WDFY4: variants seen among roughly 807,000 people sequenced by gnomAD.
The protein encoded by WDFY4 is WD repeat- and FYVE domain-containing protein 4.
A neutral mutation model predicts 351.9 loss-of-function variants in WDFY4; 169 were observed. The observed-to-expected ratio is 0.48, with a 90% CI of 0.42 to 0.55. The LOEUF (loss-of-function observed/expected upper bound fraction) is 0.55, where lower values mean the gene tolerates loss of function less well. WDFY4 is among the 20% of genes least tolerant of loss of function. The pLI is 0.00. For synonymous variants in WDFY4, 1,622 were observed against 1,574.6 expected (o/e 1.03, Z -0.71); for missense variants, 3,803 against 3,935.6 (o/e 0.97, Z 0.90).
rs1369364222 is a variant in WDFY4 at position 48,873,531 on chromosome 10, C to T, written c.6782C>T (p.Ala2261Val). ...AACATCAAGGCAGCCAACGCCTGGG[C>T]CAGGATCCAGGAGCAGCTTTTTGGG... Reference protein sequence around the residue: ...CGNIKAANAWARIQEQLFGEL... With the variant: ...CGNIKAANAWVRIQEQLFGEL... The change falls in exon 41 of 62, where the codon GCC becomes GTC. Residue 2261 changes from alanine (A) to valine (V), a missense_variant. Around this residue, in one of 3 missense-constraint regions of WDFY4, gnomAD observed 3,054 missense variants for 3,148.6 expected, o/e 0.97. Transcript: ENST00000325239. The T allele has an allele frequency of 1.7e-5, 27 of 1,551,518 alleles. No homozygotes were observed. The highest frequency in any genetic ancestry group is 2.4e-5 in the Non-Finnish European group (27 of 1,146,966).
chr10:48,953,448 T>A (rs1841438878), intron 51 of WDFY4, among the ~76,000 whole-genome samples: 1 of 152,104 alleles, frequency 6.6e-6, no homozygotes, highest in Non-Finnish European at 1.5e-5. Flanking sequence ...CTTGAGTTCA[T>A]CCTGCAAGTT....
chr10:48,882,707 C>T (rs1015583474), intron 43 of WDFY4, among the ~76,000 whole-genome samples: 20 of 152,206 alleles, frequency 1.3e-4, no homozygotes, highest in African/African-American at 4.8e-4. Context: ...AGGGGCCAGG[C>T]TCTTTCAAAT....
Position 48,729,550 on chromosome 10 carries a change from C to T in WDFY4, c.1090C>T (p.Pro364Ser). Residue 364 changes from proline to serine, a missense_variant, in exon 8 of 62, where the codon CCT becomes TCT. Pro to Ser is a moderately conservative substitution (Grantham distance 74, BLOSUM62 -1). This residue lies in a region of WDFY4 where 488 missense variants were observed against 456.8 expected (regional missense o/e 1.07). Transcript: ENST00000325239. ...ELKVFDSITY[P>S]QLEGFKFHHE... is the part of the protein sequence containing the mutation. ...GAAGGTGTTTGACAGCATCACTTAC[C>T]CTCAGCTTGAAGGCTTCAAGTTCCA... 1.3e-6 allele frequency: 2 copies of T among 1,551,678 alleles called. No homozygotes were observed. The highest frequency in any genetic ancestry group is 1.2e-5 in the South Asian group (1 of 84,048).
At chr10:48,852,672 C>T (rs1302331598) in intron 39 of WDFY4, among the ~76,000 whole-genome samples, 1 of 152,150 alleles carries the variant, frequency 6.6e-6, no homozygotes, top group African/African-American at 2.4e-5. Flanking sequence ...ACTCTCCGTG[C>T]ACCAGCTACA....
intron 13 of WDFY4, among the ~76,000 whole-genome samples, chr10:48,764,820 A>G (rs960877683): frequency 6.6e-6 from 1 of 152,246 alleles, no homozygotes; most frequent in African/African-American, 2.4e-5. Flanking sequence ...GGGTTTGAGG[A>G]TGGGAGGCAG....
rs544279104 is a variant in WDFY4 at position 48,713,150 on chromosome 10, G to A, written c.234+3184G>A. 1.6e-4 allele frequency among the ~76,000 whole-genome samples: 25 copies of A among 152,262 alleles called. No homozygotes were observed. In the South Asian group the frequency reaches 5.2e-3, roughly 32 times the overall value. On this transcript the variant is annotated intron_variant, in intron 2 of 61. Coordinates refer to ENST00000325239, the MANE Select transcript of WDFY4 (RefSeq NM_001394531.1). ...CTGACTGACCCCCAGCCTCTTTGTC[G>A]GTCAGACTCTGCATGGAAGCGGTGA...
At chr10:48,904,389 C>T (rs1476811566) in intron 47 of WDFY4, among the ~76,000 whole-genome samples, 2 of 152,192 alleles carry the variant, frequency 1.3e-5, no homozygotes, top group African/African-American at 2.4e-5. Context: ...TATGTTCATA[C>T]TTGGATTTCT....
chr10:48,981,580 C>A, intron 61 of WDFY4, 102 bp downstream of exon 61: 2 of 1,042,756 alleles, frequency 1.9e-6, no homozygotes, highest in Non-Finnish European at 2.8e-6. Context: ...GCCGAGGAGG[C>A]CACTTCACTC....
chr10:48,958,175 G>A (rs942034776), intron 52 of WDFY4, among the ~76,000 whole-genome samples: 3 of 152,220 alleles, frequency 2.0e-5, no homozygotes, highest in Non-Finnish European at 4.4e-5. Flanking sequence ...CTTGTGCAGG[G>A]GTTTTCAGCC....
intron 39 of WDFY4, among the ~76,000 whole-genome samples, chr10:48,851,405 T>A (rs550997141): frequency 6.6e-6 from 1 of 152,298 alleles, no homozygotes; most frequent in African/African-American, 2.4e-5. Flanking sequence ...TTGGGATAAA[T>A]TAATGGCAGT....
intron 47 of WDFY4, among the ~76,000 whole-genome samples, chr10:48,930,436 A>C (rs1437721277): frequency 6.6e-6 from 1 of 152,216 alleles, no homozygotes; most frequent in Non-Finnish European, 1.5e-5. Context: ...CCATGAGAAC[A>C]AGTGCACTAT....
intron 47 of WDFY4, chr10:48,909,338 C>A (rs1199974140): frequency 6.6e-6 from 1 of 152,098 alleles, no homozygotes; most frequent in Admixed American, 6.5e-5. Context: ...CCTACCTATG[C>A]ACCATTGAAA....
intron 2 of WDFY4, among the ~76,000 whole-genome samples, chr10:48,716,582 C>T (rs985377418): frequency 1.3e-5 from 2 of 152,174 alleles, no homozygotes; most frequent in African/African-American, 2.4e-5. Context: ...AACAGCACCC[C>T]GGTGGCCTGA....
At chr10:48,886,554 C>T (rs939657861) in intron 43 of WDFY4, among the ~76,000 whole-genome samples, 1 of 152,180 alleles carries the variant, frequency 6.6e-6, no homozygotes, top group Non-Finnish European at 1.5e-5. Flanking sequence ...CTGTCTCTGT[C>T]TTGCATGCTC....
intron 15 of WDFY4, 115 bp downstream of exon 15, chr10:48,775,921 G>A (rs2066017726): frequency 2.1e-6 from 2 of 974,136 alleles, no homozygotes; most frequent in Non-Finnish European, 3.1e-6. Context: ...ACATGGTTTT[G>A]TCTGCTGCTC....
chr10:48,728,822 G>A (rs1215136967), intron 7 of WDFY4, among the ~76,000 whole-genome samples: 3 of 152,230 alleles, frequency 2.0e-5, no homozygotes, highest in African/African-American at 7.2e-5. Context: ...AATTCTTGTG[G>A]AAGGCAGGAG....
chr10:48,936,667 CT>C (rs776101976), intron 47 of WDFY4, among the ~76,000 whole-genome samples: 10 of 151,614 alleles, frequency 6.6e-5, no homozygotes, highest in Non-Finnish European at 1.5e-4. Flanking sequence ...GAAACCCCGT[CT>C]CTACTAAAAA....
chr10:48,874,406 G>A (rs1020564661), intron 41 of WDFY4, among the ~76,000 whole-genome samples: 3 of 152,104 alleles, frequency 2.0e-5, no homozygotes, highest in Admixed American at 6.5e-5. Context: ...CCTCAAAGGC[G>A]GCCTTCCAAA....
At position 48,880,933 on chromosome 10, in the gene WDFY4, AG is replaced by A. The variant is rs148880000; in HGVS notation, c.7167+3738del. Among the ~76,000 whole-genome samples, 7 of 151,224 alleles carry A rather than the reference AG, an allele frequency of 4.6e-5. No individual in the cohort carries two copies. In the South Asian group the frequency reaches 1.5e-3, roughly 32 times the overall value. On this transcript the variant is annotated intron_variant, in intron 43 of 61. Coordinates refer to ENST00000325239, the MANE Select transcript of WDFY4 (RefSeq NM_001394531.1). ...TGAGGGGAGGGTGGAGGCTACAGGC[AG>A]GGGTGGGGTAAAAACCCTGCCCAAT... is the stretch of plus-strand genomic sequence containing the variant.
Sources: gnomAD v4.1 joint callset for allele counts (sites outside exome capture counted in the v4.1 genomes callset) on GRCh38, gnomAD v4.1.1 for gene constraint, gnomAD v4.1.1 regional missense constraint, MANE v1.5 for transcripts, NCBI Gene and HGNC (gene_info 2026-07-23, HGNC 2026-07-21) for gene names.